SNX24: variants seen among roughly 807,000 people sequenced by gnomAD.
SNX24 encodes the protein sorting nexin 24.
Under a neutral mutation model 28.7 loss-of-function variants are expected in SNX24, and 22 were observed. The ratio of observed to expected loss-of-function variants is 0.77; its 90% CI spans 0.55 to 1.10. The LOEUF is 1.10. SNX24 is among the 50% of genes least tolerant of loss of function. The pLI, the probability that SNX24 is intolerant of heterozygous loss-of-function variation, is 0.00. For missense variants in SNX24, 221 were observed against 201.1 expected, an observed-to-expected ratio of 1.10 and a Z score of -0.60; for synonymous variants, 69 against 71.5, an observed-to-expected ratio of 0.96 and a Z score of 0.18.
intron 1 of SNX24, among the ~76,000 whole-genome samples, chr5:122,918,870 C>T (rs982559651): frequency 2.6e-5 from 4 of 152,080 alleles, no homozygotes; most frequent in African/African-American, 7.2e-5. Context: ...AGGGCTAAAA[C>T]GTGATTTAAG....
intron 1 of SNX24, among the ~76,000 whole-genome samples, chr5:122,857,231 C>T (rs1413033273): frequency 6.6e-6 from 1 of 150,558 alleles, no homozygotes; most frequent in East Asian, 2.0e-4. Flanking sequence ...AGGCTGGTCT[C>T]CAACTCCTGA....
chr5:122,926,285 T>C (rs764803232), intron 1 of SNX24, among the ~76,000 whole-genome samples: 13 of 152,236 alleles, frequency 8.5e-5, no homozygotes, highest in Admixed American at 2.0e-4. Flanking sequence ...CTGGTGTGGC[T>C]GGACCAGGGT....
At chr5:122,954,214 T>C (rs1760100426) in intron 3 of SNX24, among the ~76,000 whole-genome samples, 1 of 151,826 alleles carries the variant, frequency 6.6e-6, no homozygotes, top group Non-Finnish European at 1.5e-5. Flanking sequence ...TATATAGTTT[T>C]ATATATAAAA....
intron 3 of SNX24, chr5:122,948,461 C>G (rs1759788908): frequency 6.6e-6 from 1 of 152,184 alleles, no homozygotes; most frequent in Admixed American, 6.5e-5. Flanking sequence ...GGTAATACCT[C>G]CAAGCCATAG....
chr5:122,993,925 T>C (rs939364881), intron 3 of SNX24, among the ~76,000 whole-genome samples: 21 of 152,184 alleles, frequency 1.4e-4, no homozygotes, highest in Non-Finnish European at 2.6e-4. Flanking sequence ...CTAGATGGAA[T>C]GGAGAAAGAG....
chr5:122,925,633 T>A (rs1452121663), intron 1 of SNX24, among the ~76,000 whole-genome samples: 1 of 152,144 alleles, frequency 6.6e-6, no homozygotes, highest in Non-Finnish European at 1.5e-5. Context: ...ACTTCCTTTC[T>A]ATAAGAAACC....
rs114177823 is a variant in SNX24, at chr5:122,940,982, G to C, written c.144+4165G>C. Among the ~76,000 whole-genome samples the C allele has an allele frequency of 4.9e-3, 742 of 152,170 alleles. 9 individuals carry two copies. Among genetic ancestry groups the C allele is most frequent in the African/African-American group, 0.017 (701 of 41,506 alleles). On this transcript the variant is annotated intron_variant, in intron 2 of 6. Transcript: ENST00000261369. ...TCTCGTGGCCTCTTTCATCTTCAAA[G>C]CTAGCAGTCACTCCACTTCAGCTTG...
intron 1 of SNX24, among the ~76,000 whole-genome samples, chr5:122,912,436 T>C (rs1757932663): frequency 6.6e-6 from 1 of 152,174 alleles, no homozygotes; most frequent in East Asian, 1.9e-4. Context: ...TTTGACTTCC[T>C]CTTTTCCTAA....
At chr5:122,918,413 G>A (rs375735610) in intron 1 of SNX24, among the ~76,000 whole-genome samples, 13 of 152,304 alleles carry the variant, frequency 8.5e-5, no homozygotes, top group Admixed American at 2.6e-4. Context: ...AGGGAGTTGC[G>A]TCCCCCATTT....
intron 2 of SNX24, among the ~76,000 whole-genome samples, chr5:122,939,874 C>T (rs150788770): frequency 6.6e-6 from 1 of 152,176 alleles, no homozygotes; most frequent in South Asian, 2.1e-4. Context: ...ACTGAAGTTA[C>T]AAAGCTTAGA....
In SNX24 at chr5:122,856,093, A is replaced by G. The variant is rs189496116; in HGVS notation, c.60+10400A>G. ...GTAATGGGCATAGTACCCAATAGGT[A>G]GGTTTTTGATCTTCTCCCTTCTGCC... On this transcript the variant is annotated intron_variant, in intron 1 of 6. Transcript: ENST00000261369. Among the ~76,000 whole-genome samples the G allele has an allele frequency of 1.0e-3, 156 of 152,324 alleles. 1 individual carries two copies. Among genetic ancestry groups the G allele is most frequent in the Non-Finnish European group, 3.2e-4 (22 of 68,024 alleles).
chr5:122,852,956 C>T (rs1754989421), intron 1 of SNX24, among the ~76,000 whole-genome samples: 2 of 152,070 alleles, frequency 1.3e-5, no homozygotes, highest in South Asian at 4.1e-4. Flanking sequence ...ACGCCATGTC[C>T]TTCAGTCATC....
rs1433645316 is a variant in SNX24 at position 122,911,726 on chromosome 5, A to T, written c.61-25008A>T. On this transcript the variant is annotated intron_variant, in intron 1 of 6. Coordinates refer to ENST00000261369, the MANE Select transcript of SNX24 (RefSeq NM_014035.4). Reference sequence around the variant, plus strand: ...TCCCAGCACCATTTATTAAATAGGGAATCCTTTCCCCATTGCTTGTTTTTC... The same window carrying T: ...TCCCAGCACCATTTATTAAATAGGGTATCCTTTCCCCATTGCTTGTTTTTC... 3.6e-5 allele frequency among the ~76,000 whole-genome samples: 4 copies of T among 111,632 alleles called. No homozygotes were observed. In the Admixed American group the frequency reaches 3.8e-4, roughly 11 times the overall value. 73.2% of individuals were successfully genotyped at this position (111,632 alleles called of 152,430 possible).
intron 1 of SNX24, among the ~76,000 whole-genome samples, chr5:122,854,520 A>AAAAAAAC (rs1755087388): frequency 7.6e-6 from 1 of 130,788 alleles, no homozygotes. Context: ...AAAAACAAAA[A>AAAAAAAC]AAAAAAACAA....
At position 122,993,671 on chromosome 5, in the gene SNX24, T is replaced by G. The variant is rs571709797; in HGVS notation, c.250-6241T>G. ...CTCATTTTGTGAAATTTTGACCAGG[T>G]GCAGGGAAGTGGTAAGTAGAAGACT... On this transcript the variant is annotated intron_variant, in intron 3 of 6. Coordinates refer to ENST00000261369, the MANE Select transcript of SNX24 (RefSeq NM_014035.4). Among the ~76,000 whole-genome samples, 7 of 152,280 alleles carry G rather than the reference T, an allele frequency of 4.6e-5. No individual in the cohort carries two copies. In the East Asian group the frequency reaches 1.3e-3, roughly 29 times the overall value.
intron 1 of SNX24, among the ~76,000 whole-genome samples, chr5:122,914,113 A>G (rs1758053895): frequency 6.6e-6 from 1 of 152,116 alleles, no homozygotes; most frequent in Admixed American, 6.5e-5. Context: ...AGAGAGGAAG[A>G]GGGAGACCGT....
intron 1 of SNX24, among the ~76,000 whole-genome samples, chr5:122,894,961 T>C (rs953603604): frequency 3.3e-5 from 5 of 151,504 alleles, no homozygotes; most frequent in African/African-American, 4.8e-5. Flanking sequence ...TTTATTGAGC[T>C]ACAAATGCTA....
At chr5:122,859,765 A>G (rs1169373162) in intron 1 of SNX24, among the ~76,000 whole-genome samples, 1 of 152,228 alleles carries the variant, frequency 6.6e-6, no homozygotes, top group African/African-American at 2.4e-5. Flanking sequence ...TTGGCTTTAT[A>G]CATTTCAGAG....
At chr5:122,848,239 G>T (rs553557663) in intron 1 of SNX24, among the ~76,000 whole-genome samples, 1 of 152,188 alleles carries the variant, frequency 6.6e-6, no homozygotes, top group Non-Finnish European at 1.5e-5. Flanking sequence ...AGTAGCACAG[G>T]CATAAATCAC....
Sources: gnomAD v4.1 joint callset for allele counts (sites outside exome capture counted in the v4.1 genomes callset) on GRCh38, gnomAD v4.1.1 for gene constraint, MANE v1.5 for transcripts, NCBI Gene and HGNC (gene_info 2026-07-23, HGNC 2026-07-21) for gene names.